ANO10: variants seen among roughly 807,000 people sequenced by gnomAD.
The protein encoded by ANO10 is anoctamin-10.
Under a neutral mutation model 74.7 loss-of-function variants are expected in ANO10, and 77 were observed. The ratio of observed to expected loss-of-function variants is 1.03; its 90% confidence interval spans 0.86 to 1.25. ANO10 has a LOEUF of 1.25. Ranked by LOEUF, ANO10 falls within the 50% of genes most tolerant of loss-of-function variation. The probability of loss-of-function intolerance (pLI) is 0.00; values close to 1 mark genes in which losing one functional copy is unlikely to be tolerated. For missense variants in ANO10, 721 were observed against 778.1 expected (o/e 0.93, Z 0.87); for synonymous variants, 279 against 284.9 (o/e 0.98, Z 0.21).
intron 11 of ANO10, among the ~76,000 whole-genome samples, chr3:43,444,645 C>G (rs1233090821): frequency 6.6e-6 from 1 of 152,122 alleles, no homozygotes; most frequent in African/African-American, 2.4e-5. Context: ...AGCTATAAGG[C>G]AGATGTGGTA....
intron 12 of ANO10, among the ~76,000 whole-genome samples, chr3:43,384,798 A>T (rs1016047555): frequency 3.9e-5 from 6 of 152,344 alleles, no homozygotes; most frequent in Admixed American, 2.0e-4. Context: ...TAAATCTAAG[A>T]CCTGAAACCA....
intron 11 of ANO10, among the ~76,000 whole-genome samples, chr3:43,491,416 C>T (rs573805187): frequency 1.3e-5 from 2 of 152,026 alleles, no homozygotes; most frequent in Non-Finnish European, 2.9e-5. Flanking sequence ...AAGGAGGCTG[C>T]GGCACGAGAA....
intron 9 of ANO10, among the ~76,000 whole-genome samples, chr3:43,556,127 G>T (rs902348602): frequency 6.6e-6 from 1 of 152,114 alleles, no homozygotes; most frequent in Non-Finnish European, 1.5e-5. Context: ...TCTAGTTATG[G>T]TTCTTAAATA....
At chr3:43,431,887 A>G (rs2092987848) in intron 12 of ANO10, among the ~76,000 whole-genome samples, 1 of 152,080 alleles carries the variant, frequency 6.6e-6, no homozygotes, top group Non-Finnish European at 1.5e-5. Flanking sequence ...GTAAGAAGAA[A>G]TATTTCTATG....
At chr3:43,500,194 T>C (rs1274183849) in intron 11 of ANO10, among the ~76,000 whole-genome samples, 1 of 152,130 alleles carries the variant, frequency 6.6e-6, no homozygotes, top group Non-Finnish European at 1.5e-5. Context: ...GACTTCTAAA[T>C]CAAGTTTTAT....
chr3:43,691,015 T>C (rs776212168), intron 1 of ANO10: 3 of 1,554,668 alleles, frequency 1.9e-6, no homozygotes, highest in South Asian at 1.2e-5. Flanking sequence ...GAGGAGGAGG[T>C]GGACTCTGCC....
chr3:43,508,424 C>G (rs2077377905), intron 11 of ANO10, among the ~76,000 whole-genome samples: 1 of 152,280 alleles, frequency 6.6e-6, no homozygotes, highest in African/African-American at 2.4e-5. Flanking sequence ...TACCATTTGA[C>G]CCAGCAATCC....
chr3:43,453,210 G>A (rs573895277), intron 11 of ANO10, among the ~76,000 whole-genome samples: 48 of 136,444 alleles, frequency 3.5e-4, no homozygotes, highest in Non-Finnish European at 6.9e-4. Flanking sequence ...ACGGAGTCTC[G>A]CTCTGTCTCC....
intron 1 of ANO10, among the ~76,000 whole-genome samples, chr3:43,650,374 T>G (rs2083773722): frequency 2.0e-5 from 3 of 152,158 alleles, no homozygotes; most frequent in African/African-American, 7.2e-5. Context: ...GAAAGGAAAC[T>G]TCTCTGAAAA....
intron 9 of ANO10, among the ~76,000 whole-genome samples, chr3:43,560,785 C>T (rs954186522): frequency 2.0e-5 from 3 of 152,192 alleles, no homozygotes; most frequent in African/African-American, 7.2e-5. Flanking sequence ...CTAATGTAAA[C>T]TAAAATTCAA....
intron 6 of ANO10, 29 bp from the exon 7 acceptor site, chr3:43,574,893 C>G: frequency 6.3e-7 from 1 of 1,599,770 alleles, no homozygotes; most frequent in Non-Finnish European, 8.6e-7. Context: ...CAGGTAACTT[C>G]TCAGTAAGAA....
At chr3:43,427,866 C>T (rs908259070) in intron 12 of ANO10, among the ~76,000 whole-genome samples, 1 of 152,120 alleles carries the variant, frequency 6.6e-6, no homozygotes, top group Non-Finnish European at 1.5e-5. Context: ...CCTTTTGTAC[C>T]TTATAGGACC....
intron 11 of ANO10, among the ~76,000 whole-genome samples, chr3:43,437,383 T>C (rs1488572219): frequency 6.6e-6 from 1 of 152,140 alleles, no homozygotes; most frequent in African/African-American, 2.4e-5. Flanking sequence ...AGAACAGCCA[T>C]CAGAGAAGCT....
intron 11 of ANO10, among the ~76,000 whole-genome samples, chr3:43,508,086 A>G (rs1240995251): frequency 6.6e-6 from 1 of 152,184 alleles, no homozygotes; most frequent in Non-Finnish European, 1.5e-5. Flanking sequence ...AAGGGGAAGA[A>G]GGTAGAGAAT....
intron 1 of ANO10, among the ~76,000 whole-genome samples, chr3:43,639,870 G>A (rs760485487): frequency 3.9e-5 from 6 of 152,066 alleles, no homozygotes; most frequent in East Asian, 3.8e-4. Context: ...TTTCAGATAT[G>A]AGCCTGTTTG....
chr3:43,625,169 C>T (rs892970974), upstream of ANO10, among the ~76,000 whole-genome samples: 2 of 152,142 alleles, frequency 1.3e-5, no homozygotes, highest in South Asian at 2.1e-4. Context: ...TTCAGGGAAA[C>T]GGAGGGAGAG....
chr3:43,591,674 G>T (rs140113250), intron 4 of ANO10, among the ~76,000 whole-genome samples: 124 of 152,304 alleles, frequency 8.1e-4, no homozygotes, highest in African/African-American at 2.8e-3. Context: ...CAGCATGAGC[G>T]GCACAGAAGA....
At chr3:43,372,902 G>A (rs912989478) in intron 12 of ANO10, 9 of 1,507,704 alleles carry the variant, frequency 6.0e-6, no homozygotes, top group Admixed American at 2.0e-5. Flanking sequence ...GTGTAATTCC[G>A]ATGAACTTGT....
chr3:43,648,003 C>G (rs908821728), intron 1 of ANO10, among the ~76,000 whole-genome samples: 1 of 152,186 alleles, frequency 6.6e-6, no homozygotes, highest in Non-Finnish European at 1.5e-5. Flanking sequence ...TTGTTACATT[C>G]TTTCTTCACC....
Sources: gnomAD v4.1 joint callset for allele counts (sites outside exome capture counted in the v4.1 genomes callset) on GRCh38, gnomAD v4.1.1 for gene constraint, MANE v1.5 for transcripts, NCBI Gene and HGNC (gene_info 2026-07-23, HGNC 2026-07-21) for gene names.